The following ANKMY1 variants were observed in gnomAD, a reference collection of about 807,000 sequenced individuals.
ANKMY1 encodes ankyrin repeat and MYND domain-containing protein 1.
In ANKMY1, 98 loss-of-function variants were observed where a neutral mutation model predicts 102.0. The observed-to-expected ratio is 0.96, with a 90% CI of 0.82 to 1.14. ANKMY1 has a LOEUF of 1.14. Among genes scored for constraint, ANKMY1 ranks in the 50% most tolerant of loss-of-function variants. ANKMY1 has a pLI of 0.00. For synonymous variants in ANKMY1, 582 were observed against 559.9 expected, an observed-to-expected ratio of 1.04 and a Z score of -0.56; for missense variants, 1,330 against 1,347.6, an observed-to-expected ratio of 0.99 and a Z score of 0.20.
intron 2 of ANKMY1, 31 bp from the exon 3 acceptor site, chr2:240,555,086 G>C: frequency 6.2e-7 from 1 of 1,610,038 alleles, no homozygotes; most frequent in South Asian, 1.1e-5. Context: ...GGAGGGAAGA[G>C]TGAAGTGGCT....
Position 240,529,339 on chromosome 2 carries a change from G to A in ANKMY1, c.651C>T (p.Ser217=). The A allele has an allele frequency of 1.2e-6, 2 of 1,614,192 alleles. No homozygotes were observed. Among genetic ancestry groups the A allele is most frequent in the South Asian group, 1.1e-5 (1 of 91,080 alleles). The part of the protein sequence containing the change: ...YPEFSSFITH[S]PARISLSEEE... ...CTTCTGAGAGGCTGATCCTGGCAGG[G>A]CTGTGGGTGATGAAGCTGGAGAACT... Residue 217 remains serine (S), a synonymous_variant, in exon 5 of 18, where the codon AGC becomes AGT. Transcript: ENST00000401804. The surrounding 1 kb of genome is among the most constrained non-coding windows in gnomAD (Gnocchi z 4.2).
intron 9 of ANKMY1, among the ~76,000 whole-genome samples, chr2:240,517,105 G>T (rs1174971265): frequency 1.3e-5 from 2 of 152,174 alleles, no homozygotes; most frequent in Non-Finnish European, 2.9e-5. Context: ...GTATTTGTTT[G>T]CATACATTTA....
chr2:240,511,719 C>G, intron 11 of ANKMY1, 142 bp downstream of exon 11: 1 of 1,119,370 alleles, frequency 8.9e-7, no homozygotes, highest in Non-Finnish European at 1.2e-6. Flanking sequence ...CCTTGCCTTG[C>G]TTCCCTCCCC....
At chr2:240,476,588 G>A (rs2074870831), downstream of ANKMY1, among the ~76,000 whole-genome samples, 1 of 152,240 alleles carries the variant, frequency 6.6e-6, no homozygotes, top group Admixed American at 6.5e-5. Flanking sequence ...CAGAGCTGCA[G>A]GTGGAGACAG....
intron 13 of ANKMY1, among the ~76,000 whole-genome samples, chr2:240,501,023 G>A (rs373139020): frequency 8.5e-5 from 13 of 152,246 alleles, no homozygotes; most frequent in Non-Finnish European, 1.3e-4. Context: ...TGTGTGGGGC[G>A]GGGGGCCAGT....
downstream of ANKMY1, among the ~76,000 whole-genome samples, chr2:240,476,896 A>G (rs1254369617): frequency 6.6e-6 from 1 of 152,356 alleles, no homozygotes; most frequent in Admixed American, 6.5e-5. Flanking sequence ...TGGATTTCAC[A>G]ACACGAGAAA....
chr2:240,551,198 G>A (rs973559727), intron 4 of ANKMY1, among the ~76,000 whole-genome samples: 1 of 150,546 alleles, frequency 6.6e-6, no homozygotes, highest in African/African-American at 2.5e-5. Context: ...TTGTCTTTCA[G>A]AGTCAGGATA....
chr2:240,486,231 C>T (rs949408787), intron 15 of ANKMY1, among the ~76,000 whole-genome samples: 1 of 152,144 alleles, frequency 6.6e-6, no homozygotes, highest in East Asian at 1.9e-4. Flanking sequence ...CTCCTGCCCA[C>T]TTCCTTTGTA....
At chr2:240,478,430 G>C (rs1013968675), downstream of ANKMY1, among the ~76,000 whole-genome samples, 2 of 152,110 alleles carry the variant, frequency 1.3e-5, no homozygotes, top group African/African-American at 4.8e-5. Context: ...GTGGAAGCCG[G>C]GGGTGCCTAC....
chr2:240,545,695 G>A (rs976816723), intron 4 of ANKMY1, among the ~76,000 whole-genome samples: 8 of 152,262 alleles, frequency 5.3e-5, no homozygotes, highest in East Asian at 1.9e-4. Flanking sequence ...ACCAAGGCTC[G>A]AGAACTACGT....
chr2:240,524,161 G>A lies in ANKMY1; in HGVS notation c.1556C>T (p.Ser519Phe). 1 of 1,614,004 alleles carries A rather than the reference G, an allele frequency of 6.2e-7. No individual in the cohort carries two copies. The highest frequency in any genetic ancestry group is 8.5e-7 in the Non-Finnish European group (1 of 1,180,036). ...CGGSIDHRSS[S>F]LKGDSPLVKG... ...CACCAACGGGGAGTCCCCCTTCAGA[G>A]AGCTGCTCCTGTGGTCTATGGACCC... The change falls in exon 8 of 18, where the codon TCT (serine) becomes TTT (phenylalanine). Residue 519 changes from serine to phenylalanine, a missense_variant. Ser to Phe is a radical substitution (Grantham distance 155). Coordinates refer to ENST00000401804, the MANE Select transcript of ANKMY1 (RefSeq NM_001282771.3).
At chr2:240,539,339 C>A (rs113560127) in intron 4 of ANKMY1, among the ~76,000 whole-genome samples, 1 of 151,962 alleles carries the variant, frequency 6.6e-6, no homozygotes, top group Non-Finnish European at 1.5e-5. Context: ...ACGAGCAACT[C>A]CAGACGCACC....
At chr2:240,479,789 G>T in intron 17 of ANKMY1, 134 bp from the exon 18 acceptor site, 1 of 758,748 alleles carries the variant, frequency 1.3e-6, no homozygotes, top group Non-Finnish European at 2.2e-6. Context: ...CAGGCAAGGA[G>T]TCGGGATGCA....
intron 11 of ANKMY1, among the ~76,000 whole-genome samples, chr2:240,511,182 C>T (rs1396612365): frequency 6.6e-6 from 1 of 152,216 alleles, no homozygotes; most frequent in African/African-American, 2.4e-5. Context: ...CACTAGCACA[C>T]ATGGCACTCC....
intron 4 of ANKMY1, among the ~76,000 whole-genome samples, chr2:240,549,405 A>G (rs1431097930): frequency 6.6e-6 from 1 of 152,196 alleles, no homozygotes; most frequent in Non-Finnish European, 1.5e-5. Context: ...CTAAAACCAT[A>G]AAAACCCTAG....
At chr2:240,484,506 A>G (rs1377565645) in intron 15 of ANKMY1, among the ~76,000 whole-genome samples, 2 of 152,208 alleles carry the variant, frequency 1.3e-5, no homozygotes, top group Non-Finnish European at 2.9e-5. Context: ...CCATATGCAG[A>G]AAACTGAAAC....
chr2:240,525,390 T>C (rs1267424934), intron 7 of ANKMY1, among the ~76,000 whole-genome samples: 2 of 152,204 alleles, frequency 1.3e-5, no homozygotes, highest in Non-Finnish European at 2.9e-5. Context: ...GGGGGCATTG[T>C]CATGGATGCC....
chr2:240,557,417 C>CGAGGCCCGGCCCGCGGCCCCT (rs2092485283), intron 1 of ANKMY1, 65 bp from the exon 2 acceptor site: 1 of 1,401,084 alleles, frequency 7.1e-7, no homozygotes, highest in Non-Finnish European at 9.4e-7. Context: ...AGAGGGCGCC[C>CGAGGCCCGGCCCGCGGCCCCT]GAGGCCCGGC....
At chr2:240,545,638 G>A (rs1559373035) in intron 4 of ANKMY1, among the ~76,000 whole-genome samples, 1 of 152,138 alleles carries the variant, frequency 6.6e-6, no homozygotes, top group South Asian at 2.1e-4. Context: ...TGTATAACTA[G>A]AATAACCAAT....
Sources: gnomAD v4.1 joint callset for allele counts (sites outside exome capture counted in the v4.1 genomes callset) on GRCh38, gnomAD v4.1.1 for gene constraint, Gnocchi (gnomAD v3.1) non-coding constraint, MANE v1.5 for transcripts, NCBI Gene and HGNC (gene_info 2026-07-23, HGNC 2026-07-21) for gene names.